The following ARIH1 variants were observed in gnomAD, a reference collection of about 807,000 sequenced individuals.
ARIH1 encodes E3 ubiquitin-protein ligase ARIH1.
ARIH1 carries 8 observed loss-of-function variants against 85.0 expected under a neutral mutation model. The observed-to-expected ratio is 0.09, with a 90% CI of 0.06 to 0.17. The LOEUF (loss-of-function observed/expected upper bound fraction) is 0.17. Among genes scored for constraint, ARIH1 ranks in the 10% least tolerant of loss-of-function variants. ARIH1 has a pLI of 1.00. For synonymous variants in ARIH1, 238 were observed against 253.6 expected (o/e 0.94, Z 0.59); for missense variants, 311 against 718.1 (o/e 0.43, Z 6.48).
rs143838222 is a variant in ARIH1, at chr15:72,484,845, G to A, written c.375+9831G>A. 3.9e-4 allele frequency among the ~76,000 whole-genome samples: 59 copies of A among 151,834 alleles called. No homozygotes were observed. In the East Asian group the frequency reaches 0.011, roughly 27 times the overall value. On this transcript the variant is annotated intron_variant, in intron 1 of 13. Coordinates refer to ENST00000379887, the MANE Select transcript of ARIH1 (RefSeq NM_005744.5). ...TCCACTTGTTGATTGATGGGCATTT[G>A]GGCTGGTTCCCCATTTTTGCAGTTG...
At chr15:72,535,610 T>C (rs546330274) in intron 2 of ARIH1, among the ~76,000 whole-genome samples, 146 of 152,332 alleles carry the variant, frequency 9.6e-4, no homozygotes, top group African/African-American at 3.3e-3. Flanking sequence ...AAAATCGTTA[T>C]CAAAACAATA....
At chr15:72,491,583 T>A (rs1303285389) in intron 1 of ARIH1, among the ~76,000 whole-genome samples, 2 of 152,216 alleles carry the variant, frequency 1.3e-5, no homozygotes, top group Non-Finnish European at 2.9e-5. Context: ...ATTTTATTAT[T>A]GATAAAAATA....
At chr15:72,501,412 A>T (rs1348743743) in intron 1 of ARIH1, among the ~76,000 whole-genome samples, 2 of 152,208 alleles carry the variant, frequency 1.3e-5, no homozygotes, top group African/African-American at 4.8e-5. Flanking sequence ...ATGGATGAGT[A>T]AGAAGCAGTG....
intron 2 of ARIH1, among the ~76,000 whole-genome samples, chr15:72,541,959 A>T (rs2064109337): frequency 6.6e-6 from 1 of 152,196 alleles, no homozygotes. Context: ...TGGGGGTGGA[A>T]GTGAGGAGCT....
intron 2 of ARIH1, among the ~76,000 whole-genome samples, chr15:72,521,825 A>G (rs2064001687): frequency 6.6e-6 from 1 of 152,184 alleles, no homozygotes; most frequent in Non-Finnish European, 1.5e-5. Context: ...CTGGGGTTAC[A>G]GGCATGAGTC....
rs1056895985 is a variant in ARIH1 at position 72,595,138 on chromosome 15, CTG to C, written c.*11849_*11850del. The stretch of plus-strand genomic sequence containing the variant: ...ATGGTATGTTACAGGGGTTGGCAAA[CTG>C]TGGCCCATGGGCCAGATCCAGCCCA... On this transcript the variant is annotated 3_prime_UTR_variant, in exon 14 of 14. Transcript: ENST00000379887. The C allele has an allele frequency of 3.9e-5, 6 of 152,300 alleles. No homozygotes were observed. The East Asian group carries it at 7.7e-4, about 20-fold the overall frequency. 9.4% of individuals were successfully genotyped at this position (152,300 alleles called of 1,614,324 possible). A position where few individuals can be genotyped will look rare whatever the true frequency, so the allele number is the denominator to read the frequency against.
Position 72,474,984 on chromosome 15 carries a change from A to G in ARIH1, c.345A>G (p.Glu115=), listed in dbSNP as rs2063788514. The G allele has an allele frequency of 6.4e-7, 1 of 1,559,604 alleles. No individual in the cohort carries two copies. The highest frequency in any genetic ancestry group is 8.7e-7 in the Non-Finnish European group (1 of 1,151,524). ...TAEQILQHMV[E]CIREVNEVIQ... is the part of the protein sequence containing the mutation. Reference sequence around the variant, plus strand: ...AGCAGATTCTACAACACATGGTGGAATGTATCCGGGAGGTCAACGAGGTCA... The same window carrying G: ...AGCAGATTCTACAACACATGGTGGAGTGTATCCGGGAGGTCAACGAGGTCA... The change falls in exon 1 of 14, where the codon GAA becomes GAG. Residue 115 remains glutamate, a synonymous_variant. Transcript: ENST00000379887.
In ARIH1 at chr15:72,544,720, A is replaced by G. The variant is rs145738495; in HGVS notation, c.444-100A>G. 30 of 1,081,328 alleles carry G rather than the reference A, an allele frequency of 2.8e-5. No homozygotes were observed. In the African/African-American group the frequency reaches 4.4e-4, roughly 16 times the overall value. The allele number at this position is 1,081,328 out of a possible 1,614,324, so 67.0% of individuals were successfully genotyped here. On this transcript the variant is annotated intron_variant, in intron 2 of 13. Coordinates refer to ENST00000379887, the MANE Select transcript of ARIH1 (RefSeq NM_005744.5). ...AAGGTTGTTATCTTGTTTTATTTTA[A>G]TTCAACTTCTTGCTTTTCCCTATAG...
chr15:72,474,539 C>T lies in ARIH1; in HGVS notation c.-101C>T, dbSNP rs2063785019. 1 of 1,379,202 alleles carries T rather than the reference C, an allele frequency of 7.3e-7. No individual in the cohort carries two copies. Among genetic ancestry groups the T allele is most frequent in the Non-Finnish European group, 9.5e-7 (1 of 1,052,768 alleles). The allele number at this position is 1,379,202 out of a possible 1,614,324, so 85.4% of individuals were successfully genotyped here. On this transcript the variant is annotated 5_prime_UTR_variant, in exon 1 of 14. Transcript: ENST00000379887. ...GCTCGCGGGGCCGGAGCCAGGCCTG[C>T]GTCCGGACATCAGCCGGAGCCGGAG...
chr15:72,567,241 G>T, intron 9 of ARIH1, 64 bp downstream of exon 9: 3 of 1,357,548 alleles, frequency 2.2e-6, no homozygotes, highest in Non-Finnish European at 1.0e-6. Context: ...TTTGGCATTA[G>T]CAAAAGCAAT....
chr15:72,586,286 AT>A lies in ARIH1; in HGVS notation c.*2997del, dbSNP rs1368829930. 1 of 152,212 alleles carries A rather than the reference AT, an allele frequency of 6.6e-6. No individual in the cohort carries two copies. Among genetic ancestry groups the A allele is most frequent in the Non-Finnish European group, 1.5e-5 (1 of 68,030 alleles). The allele number at this position is 152,212 out of a possible 1,614,324, so 9.4% of individuals were successfully genotyped here. ...GGTTCAACCATGATTAGGAACTGAA[AT>A]TTAGTAGAAGAGGGAAAAGGAGTTA... On this transcript the variant is annotated 3_prime_UTR_variant, in exon 14 of 14. Transcript: ENST00000379887.
intron 11 of ARIH1, among the ~76,000 whole-genome samples, chr15:72,576,263 T>C (rs917971580): frequency 2.0e-5 from 3 of 151,986 alleles, no homozygotes; most frequent in African/African-American, 7.3e-5. Flanking sequence ...CCCAGCACTT[T>C]GGGAGGCCGA....
At chr15:72,511,636 C>T (rs1023734506) in intron 1 of ARIH1, among the ~76,000 whole-genome samples, 5 of 152,116 alleles carry the variant, frequency 3.3e-5, no homozygotes, top group Non-Finnish European at 7.4e-5. Context: ...CCTTGGACTT[C>T]GCTAAACTCA....
At position 72,474,856 on chromosome 15, in the gene ARIH1, G is replaced by T. The variant is rs774057607; in HGVS notation, c.217G>T (p.Ala73Ser). 7.1e-7 allele frequency: 1 copy of T among 1,414,820 alleles called. No individual in the cohort carries two copies. The highest frequency in any genetic ancestry group is 1.7e-5 in the South Asian group (1 of 60,038). 87.6% of individuals were successfully genotyped at this position (1,414,820 alleles called of 1,614,324 possible). A position where few individuals can be genotyped will look rare whatever the true frequency, so the allele number is the denominator to read the frequency against. ...GGAGACGGGCGGTGGCGGCGGCAGC[G>T]CTCTGGGGCCCGGCGGTGGCGGCGG... ...CGETGGGGGS[A>S]LGPGGGGGGG... Residue 73 changes from alanine to serine, a missense_variant, in exon 1 of 14, where the codon GCT (alanine) becomes TCT (serine). Physicochemically the swap from Ala to Ser is moderately conservative, Grantham distance 99 (BLOSUM62 1). Around this residue, in one of 3 missense-constraint regions of ARIH1, gnomAD observed 157 missense variants for 185.1 expected, o/e 0.85. Transcript: ENST00000379887.
intron 2 of ARIH1, among the ~76,000 whole-genome samples, chr15:72,528,981 A>G (rs2064042942): frequency 6.6e-6 from 1 of 152,138 alleles, no homozygotes; most frequent in Non-Finnish European, 1.5e-5. Flanking sequence ...TGGGCGGATC[A>G]TGAGGTCAGG....
intron 9 of ARIH1, among the ~76,000 whole-genome samples, chr15:72,567,544 TA>T (rs2064226526): frequency 6.6e-6 from 1 of 152,254 alleles, no homozygotes; most frequent in African/African-American, 2.4e-5. Context: ...TCTGTTAGGC[TA>T]ATTTACATTT....
At chr15:72,525,241 A>G (rs1471570423) in intron 2 of ARIH1, among the ~76,000 whole-genome samples, 2 of 152,194 alleles carry the variant, frequency 1.3e-5, no homozygotes, top group African/African-American at 2.4e-5. Flanking sequence ...TCATCGGGGG[A>G]AAATTTTTTC....
At chr15:72,556,602 A>G (rs564788604) in intron 5 of ARIH1, among the ~76,000 whole-genome samples, 1 of 152,246 alleles carries the variant, frequency 6.6e-6, no homozygotes, top group East Asian at 1.9e-4. Flanking sequence ...TCAGGTATAC[A>G]TGTGCAGGTT....
At chr15:72,492,515 C>T (rs533253014) in intron 1 of ARIH1, among the ~76,000 whole-genome samples, 45 of 152,298 alleles carry the variant, frequency 3.0e-4, no homozygotes, top group Non-Finnish European at 4.0e-4. Context: ...ACCTGTTCAC[C>T]ACTTCACCTC....
Sources: allele counts gnomAD v4.1 joint callset (sites outside exome capture counted in the v4.1 genomes callset), GRCh38; gene constraint gnomAD v4.1.1; regional missense constraint gnomAD v4.1.1; transcripts MANE v1.5; gene names NCBI Gene and HGNC (gene_info 2026-07-23, HGNC 2026-07-21).